The following PRKG1 variants were observed in gnomAD, a reference collection of about 807,000 sequenced individuals.
The protein encoded by PRKG1 is cGMP-dependent protein kinase 1.
Under a neutral mutation model 88.1 loss-of-function variants are expected in PRKG1, and 35 were observed. The ratio of observed to expected loss-of-function variants is 0.40; its 90% CI spans 0.30 to 0.53. PRKG1 has a LOEUF of 0.53. Ranked by LOEUF, PRKG1 falls within the 20% of genes least tolerant of loss-of-function variation. The pLI is 0.59. For missense variants in PRKG1, 540 were observed against 839.8 expected, an observed-to-expected ratio of 0.64 and a Z score of 4.41; for synonymous variants, 303 against 292.5, an observed-to-expected ratio of 1.04 and a Z score of -0.37.
rs147814810 is a variant in PRKG1 at position 51,032,587 on chromosome 10, C to T, written c.266+40943C>T. Among the ~76,000 whole-genome samples the T allele has an allele frequency of 4.1e-3, 620 of 152,084 alleles. 4 individuals are homozygous for T. The highest frequency in any genetic ancestry group is 0.014 in the African/African-American group (594 of 41,464). On this transcript the variant is annotated intron_variant, in intron 1 of 17. Transcript: ENST00000401604. ...CATCCTGGCCAACATGGCAAAACCCCGTCTCTACTAAAAATACAAAAATTA... is the reference window on the plus strand; with the variant it reads ...CATCCTGGCCAACATGGCAAAACCCTGTCTCTACTAAAAATACAAAAATTA...
At chr10:51,322,845 G>A (rs146645175) in intron 2 of PRKG1, among the ~76,000 whole-genome samples, 1 of 152,138 alleles carries the variant, frequency 6.6e-6, no homozygotes, top group Admixed American at 6.6e-5. Flanking sequence ...CACTAAGGTT[G>A]ACTTTTCTTT....
chr10:51,755,011 CAA>C (rs11450493), intron 3 of PRKG1, among the ~76,000 whole-genome samples: 4 of 130,820 alleles, frequency 3.1e-5, no homozygotes, highest in South Asian at 2.5e-4. Flanking sequence ...AACTCAATTA[CAA>C]AAAAAAAAAA....
intron 2 of PRKG1, among the ~76,000 whole-genome samples, chr10:51,452,863 T>C (rs1218436837): frequency 6.6e-6 from 1 of 152,008 alleles, no homozygotes; most frequent in East Asian, 1.9e-4. Flanking sequence ...TTCAGTAAGA[T>C]TTGTACCAAT....
rs991887876 is a variant in PRKG1 at position 52,295,280 on chromosome 10, A to G, written c.*1380A>G. The G allele has an allele frequency of 2.6e-5, 4 of 152,082 alleles. No homozygotes were observed. In the East Asian group the frequency reaches 5.8e-4, roughly 22 times the overall value. The allele number at this position is 152,082 out of a possible 1,614,324, so 9.4% of individuals were successfully genotyped here. ...ACCTTTTAGTGAATAAGCTGAGTCC[A>G]TATACTTGTCTAACTAAGAAAGCAG... On this transcript the variant is annotated 3_prime_UTR_variant, in exon 18 of 18. Coordinates refer to ENST00000373980, the MANE Select transcript of PRKG1 (RefSeq NM_006258.4).
chr10:51,887,121 C>T (rs1038325494), intron 4 of PRKG1, among the ~76,000 whole-genome samples: 5 of 152,156 alleles, frequency 3.3e-5, no homozygotes, highest in Non-Finnish European at 5.9e-5. Flanking sequence ...GAGTAGCTGG[C>T]GCTACAGGCA....
chr10:51,997,880 T>A (rs1228400379), intron 5 of PRKG1, among the ~76,000 whole-genome samples: 1 of 152,144 alleles, frequency 6.6e-6, no homozygotes, highest in East Asian at 1.9e-4. Flanking sequence ...TCCCTTGTAG[T>A]TTTTATTCTC....
At chr10:52,043,266 T>G (rs1845790243) in intron 5 of PRKG1, among the ~76,000 whole-genome samples, 1 of 152,116 alleles carries the variant, frequency 6.6e-6, no homozygotes, top group Non-Finnish European at 1.5e-5. Context: ...ATATCTGGAC[T>G]TCGGTGTTTA....
chr10:51,742,082 A>G (rs900835825), intron 3 of PRKG1, among the ~76,000 whole-genome samples: 1 of 152,200 alleles, frequency 6.6e-6, no homozygotes, highest in African/African-American at 2.4e-5. Context: ...ATCTTGTGAG[A>G]TAACTGTCTT....
intron 2 of PRKG1, among the ~76,000 whole-genome samples, chr10:51,188,496 A>G (rs1837551489): frequency 6.6e-6 from 1 of 152,048 alleles, no homozygotes; most frequent in Non-Finnish European, 1.5e-5. Context: ...TAAACATGAT[A>G]TATGTTCAAG....
chr10:51,093,704 C>T (rs762594686), intron 1 of PRKG1, among the ~76,000 whole-genome samples: 143 of 138,548 alleles, frequency 1.0e-3, no homozygotes, highest in Non-Finnish European at 1.7e-3. Flanking sequence ...TATATGTATA[C>T]TATATATAAA....
rs538652153 is a variant in PRKG1 at position 52,050,347 on chromosome 10, A to T, written c.763-4137A>T. Among the ~76,000 whole-genome samples the T allele has an allele frequency of 9.9e-5, 15 of 152,206 alleles. 1 individual carries two copies. In the South Asian group the frequency reaches 2.7e-3, roughly 27 times the overall value. On this transcript the variant is annotated intron_variant, in intron 5 of 17. Coordinates refer to ENST00000373980, the MANE Select transcript of PRKG1 (RefSeq NM_006258.4). The stretch of plus-strand genomic sequence containing the variant: ...TCTTAATAACTATGGAAACCTTTGA[A>T]AGGAAGCTGTCTAATTGCTAAGATT...
intron 4 of PRKG1, among the ~76,000 whole-genome samples, chr10:51,847,052 T>G (rs1028630504): frequency 2.0e-5 from 3 of 152,142 alleles, no homozygotes; most frequent in Non-Finnish European, 4.4e-5. Flanking sequence ...GAGAGCTTTA[T>G]TCTAATAGCA....
In PRKG1 at chr10:51,972,892, A is replaced by G. The variant is rs1843743173; in HGVS notation, c.762+65322A>G. On this transcript the variant is annotated intron_variant, in intron 5 of 17. Transcript: ENST00000373980. Reference sequence around the variant, plus strand: ...TTTTTGCCACTTCATTGGAAATGTCAGTTCTGCCCACAGCAATTCCTAGGG... The same window carrying G: ...TTTTTGCCACTTCATTGGAAATGTCGGTTCTGCCCACAGCAATTCCTAGGG... Among the ~76,000 whole-genome samples, 5 of 151,996 alleles carry G rather than the reference A, an allele frequency of 3.3e-5. No individual in the cohort carries two copies. In the South Asian group the frequency reaches 1.0e-3, roughly 31 times the overall value.
At chr10:51,750,849 T>C (rs1191267411) in intron 3 of PRKG1, among the ~76,000 whole-genome samples, 2 of 152,086 alleles carry the variant, frequency 1.3e-5, no homozygotes, top group Non-Finnish European at 2.9e-5. Flanking sequence ...AACAACCCCT[T>C]TCTAAAAGAA....
At chr10:50,999,562 G>A (rs1842866781) in intron 1 of PRKG1, among the ~76,000 whole-genome samples, 1 of 152,084 alleles carries the variant, frequency 6.6e-6, no homozygotes. Context: ...TGAGTACTCT[G>A]ACCTCAAATG....
intron 5 of PRKG1, among the ~76,000 whole-genome samples, chr10:51,984,940 C>T (rs1444532714): frequency 1.3e-5 from 2 of 151,862 alleles, no homozygotes; most frequent in African/African-American, 4.8e-5. Flanking sequence ...TGGGCAGTAC[C>T]CTTAATGCTT....
At chr10:51,289,366 CT>C (rs1840523998) in intron 2 of PRKG1, among the ~76,000 whole-genome samples, 1 of 152,182 alleles carries the variant, frequency 6.6e-6, no homozygotes, top group African/African-American at 2.4e-5. Flanking sequence ...GCTACTAGTA[CT>C]GTCATTTGCT....
chr10:52,136,830 T>C (rs1837436616), intron 8 of PRKG1, among the ~76,000 whole-genome samples: 1 of 152,048 alleles, frequency 6.6e-6, no homozygotes, highest in South Asian at 2.1e-4. Context: ...TTGGTTTATC[T>C]TCAGGGTTAT....
At chr10:51,807,846 A>G (rs1839346731) in intron 4 of PRKG1, among the ~76,000 whole-genome samples, 1 of 152,024 alleles carries the variant, frequency 6.6e-6, no homozygotes, top group Non-Finnish European at 1.5e-5. Flanking sequence ...TGCTTTGGGG[A>G]AAAGGAATTC....
Sources: allele counts gnomAD v4.1 joint callset (sites outside exome capture counted in the v4.1 genomes callset), GRCh38; gene constraint gnomAD v4.1.1; transcripts MANE v1.5; gene names NCBI Gene and HGNC (gene_info 2026-07-23, HGNC 2026-07-21).